Variants in FOCAD observed in about 807,000 individuals in gnomAD.
FOCAD encodes the protein focadhesin.
In FOCAD, 198 loss-of-function variants were observed where a neutral mutation model predicts 225.6. The ratio of observed to expected loss-of-function variants is 0.88; its 90% confidence interval spans 0.78 to 0.99. The LOEUF is 0.99. FOCAD is among the 50% of genes least tolerant of loss of function. FOCAD has a pLI of 0.00. For synonymous variants in FOCAD, 897 were observed against 755.0 expected (o/e 1.19, Z -3.08); for missense variants, 2,713 against 2,123.6 (o/e 1.28, Z -5.46).
intron 15 of FOCAD, among the ~76,000 whole-genome samples, chr9:20,844,348 C>CATT (rs1826850998): frequency 2.9e-5 from 2 of 68,612 alleles, no homozygotes; most frequent in Non-Finnish European, 6.1e-5. Flanking sequence ...CAGGAAATTT[C>CATT]CTTTTTTTTT....
intron 4 of FOCAD, among the ~76,000 whole-genome samples, chr9:20,721,883 C>T (rs1206499181): frequency 3.3e-3 from 1 of 300 alleles, no homozygotes; most frequent in African/African-American, 0.013. Context: ...CCCTCCCCTC[C>T]CCTTCCTCCC....
At chr9:20,842,586 C>T (rs1826651554) in intron 15 of FOCAD, among the ~76,000 whole-genome samples, 1 of 151,812 alleles carries the variant, frequency 6.6e-6, no homozygotes, top group African/African-American at 2.4e-5. Context: ...CTTTTCCATC[C>T]CCTTTATTTC....
intron 24 of FOCAD, among the ~76,000 whole-genome samples, chr9:20,920,930 T>A (rs973052193): frequency 4.0e-4 from 60 of 151,084 alleles, no homozygotes; most frequent in African/African-American, 1.4e-3. Context: ...AACCTGCACA[T>A]TGTGCACATG....
intron 22 of FOCAD, among the ~76,000 whole-genome samples, chr9:20,909,709 G>A (rs1412722946): frequency 6.6e-6 from 1 of 152,054 alleles, no homozygotes; most frequent in Non-Finnish European, 1.5e-5. Flanking sequence ...GTGTGATTTA[G>A]GCTATCACTA....
At chr9:20,983,309 C>T (rs998896839) in intron 39 of FOCAD, among the ~76,000 whole-genome samples, 13 of 152,110 alleles carry the variant, frequency 8.5e-5, no homozygotes, top group African/African-American at 2.4e-4. Flanking sequence ...TGCGGTGGCT[C>T]ACGCCTGTAA....
chr9:20,816,665 G>A (rs1228972914), intron 11 of FOCAD, among the ~76,000 whole-genome samples: 1 of 151,966 alleles, frequency 6.6e-6, no homozygotes, highest in African/African-American at 2.4e-5. Context: ...GTCTTCGAAG[G>A]TTAGAAGGAA....
Position 20,781,849 on chromosome 9 carries a change from G to A in FOCAD, c.1117G>A (p.Glu373Lys). The A allele has an allele frequency of 6.2e-7, 1 of 1,614,106 alleles. No homozygotes were observed. The highest frequency in any genetic ancestry group is 8.5e-7 in the Non-Finnish European group (1 of 1,179,980). The change falls in exon 10 of 44, where the codon GAA becomes AAA. Residue 373 changes from glutamate (E) to lysine (K), a missense_variant. Physicochemically the swap from Glu to Lys is moderately conservative, Grantham distance 56. Coordinates refer to ENST00000338382, the MANE Select transcript of FOCAD (RefSeq NM_001375567.1). ...GGAAGACTGTATATCTGTGGATGAAGAAGGTCCCTCTAGGCAGCAGTTGGC... is the reference window on the plus strand; with the variant it reads ...GGAAGACTGTATATCTGTGGATGAAAAAGGTCCCTCTAGGCAGCAGTTGGC... ...ALEDCISVDE[E>K]GPSRQQLALN...
intron 35 of FOCAD, among the ~76,000 whole-genome samples, chr9:20,967,331 A>G (rs1296285438): frequency 6.6e-6 from 1 of 152,166 alleles, no homozygotes; most frequent in African/African-American, 2.4e-5. Context: ...CACTGCCAGA[A>G]TATAAAAACA....
At chr9:20,981,986 C>G (rs1387456208) in intron 38 of FOCAD, among the ~76,000 whole-genome samples, 1 of 152,180 alleles carries the variant, frequency 6.6e-6, no homozygotes, top group Non-Finnish European at 1.5e-5. Context: ...AGTCCTTACG[C>G]TTTACACCTG....
intron 19 of FOCAD, 138 bp downstream of exon 19, chr9:20,874,945 C>G (rs1416378871): frequency 9.1e-7 from 1 of 1,103,012 alleles, no homozygotes. Context: ...ATGCACCCAT[C>G]TGTTCTATTG....
At chr9:20,987,400 C>T (rs940699096) in intron 40 of FOCAD, among the ~76,000 whole-genome samples, 4 of 151,718 alleles carry the variant, frequency 2.6e-5, no homozygotes, top group African/African-American at 9.7e-5. Context: ...CCCAGCTACT[C>T]AGGAGGCTGA....
intron 24 of FOCAD, among the ~76,000 whole-genome samples, chr9:20,917,495 A>G (rs1404066675): frequency 6.6e-6 from 1 of 152,158 alleles, no homozygotes; most frequent in Non-Finnish European, 1.5e-5. Flanking sequence ...AGCTCTCACT[A>G]AAAAATACCC....
At chr9:20,656,709 G>C (rs1306041876), upstream of FOCAD, among the ~76,000 whole-genome samples, 1 of 152,112 alleles carries the variant, frequency 6.6e-6, no homozygotes, top group African/African-American at 2.4e-5. Context: ...ACAGCACACT[G>C]ATGGGTCTTG....
chr9:20,770,722 G>T (rs1167719889), intron 8 of FOCAD, among the ~76,000 whole-genome samples: 1 of 152,146 alleles, frequency 6.6e-6, no homozygotes, highest in Non-Finnish European at 1.5e-5. Flanking sequence ...TAACTGGGTG[G>T]ATCTGCTCAT....
chr9:20,897,711 C>G (rs1832215053), intron 21 of FOCAD, among the ~76,000 whole-genome samples: 1 of 151,738 alleles, frequency 6.6e-6, no homozygotes, highest in South Asian at 2.1e-4. Context: ...TTCACTTATA[C>G]ATAAGCATAT....
Position 20,820,990 on chromosome 9 carries a change from C to T in FOCAD, c.1712C>T (p.Pro571Leu). The change falls in exon 14 of 44, where the codon CCT becomes CTT. Residue 571 changes from proline (P) to leucine (L), a missense_variant. Transcript: ENST00000338382. ...CGTTTCATGGCTGTGTCTGATGTAC[C>T]TTCTCTTTCGGTGGGCAAGGAAGTC... ...LQRFMAVSDVPSLSVGKEVQW... is the reference protein window; with the variant it reads ...LQRFMAVSDVLSLSVGKEVQW... 6.2e-7 allele frequency: 1 copy of T among 1,612,770 alleles called. No individual in the cohort carries two copies. The highest frequency in any genetic ancestry group is 8.5e-7 in the Non-Finnish European group (1 of 1,179,144).
At chr9:20,685,196 A>ATTTTTTTTTTTTTTTTTTT (rs397959541) in intron 1 of FOCAD, among the ~76,000 whole-genome samples, 39 of 143,036 alleles carry the variant, frequency 2.7e-4, no homozygotes, top group Non-Finnish European at 3.6e-4. Context: ...TGAGTTGGAA[A>ATTTTTTTTTTTTTTTTTTT]TTTTTTTTTT....
chr9:20,726,465 A>G (rs920136882), intron 4 of FOCAD: 2 of 152,230 alleles, frequency 1.3e-5, no homozygotes, highest in African/African-American at 4.8e-5. Flanking sequence ...AAACCAGGCT[A>G]GCACTTGATT....
intron 28 of FOCAD, among the ~76,000 whole-genome samples, chr9:20,940,670 G>A (rs138442999): frequency 6.6e-6 from 1 of 152,276 alleles, no homozygotes; most frequent in Non-Finnish European, 1.5e-5. Context: ...TGTTTCTCAT[G>A]GAGTTACATC....
Sources: allele counts gnomAD v4.1 joint callset (sites outside exome capture counted in the v4.1 genomes callset), GRCh38; gene constraint gnomAD v4.1.1; transcripts MANE v1.5; gene names NCBI Gene and HGNC (gene_info 2026-07-23, HGNC 2026-07-21).